The following AGTPBP1 variants were observed in gnomAD, a reference collection of about 807,000 sequenced individuals.
AGTPBP1 encodes the protein cytosolic carboxypeptidase 1.
AGTPBP1 carries 70 observed loss-of-function variants against 143.9 expected under a neutral mutation model. The observed-to-expected ratio is 0.49, with a 90% CI of 0.40 to 0.59. The LOEUF (loss-of-function observed/expected upper bound fraction) is 0.59, where lower values mean the gene tolerates loss of function less well. AGTPBP1 is among the 20% of genes least tolerant of loss of function. The pLI is 0.00. For missense variants in AGTPBP1, 1,229 were observed against 1,464.5 expected, an observed-to-expected ratio of 0.84 and a Z score of 2.62; for synonymous variants, 463 against 500.2, an observed-to-expected ratio of 0.93 and a Z score of 0.99.
Position 85,621,190 on chromosome 9 carries a change from A to G in AGTPBP1, c.2099+12T>C. 5.0e-6 allele frequency: 7 copies of G among 1,408,860 alleles called. No individual in the cohort carries two copies. Among genetic ancestry groups the G allele is most frequent in the Non-Finnish European group, 6.6e-6 (7 of 1,067,410 alleles). 87.3% of individuals were successfully genotyped at this position (1,408,860 alleles called of 1,614,324 possible). ...TTAAAACTAATAAAAGTTCATTAAA[A>G]TCAAGACTTACTTTGGGTTATCCAA... On this transcript the variant is annotated intron_variant, in intron 15 of 25. Coordinates refer to ENST00000357081, the MANE Select transcript of AGTPBP1 (RefSeq NM_001330701.2).
chr9:85,680,904 C>T (rs1479954134), intron 4 of AGTPBP1, among the ~76,000 whole-genome samples: 2 of 152,120 alleles, frequency 1.3e-5, no homozygotes, highest in East Asian at 3.9e-4. Flanking sequence ...CGATAATTTT[C>T]ATTTGTTTTA....
rs1828054578 is a variant in AGTPBP1 at position 85,578,796 on chromosome 9, A to G, written c.3342+124T>C. The G allele has an allele frequency of 9.2e-6, 9 of 977,474 alleles. No individual in the cohort carries two copies. In the South Asian group the frequency reaches 1.5e-4, roughly 17 times the overall value. 60.6% of individuals were successfully genotyped at this position (977,474 alleles called of 1,614,324 possible). The stretch of plus-strand genomic sequence containing the variant: ...TCTTAAGACTGCATATGATTCCATT[A>G]TTACATATTACATGTAACTCAATAA... On this transcript the variant is annotated intron_variant, in intron 24 of 25. Transcript: ENST00000357081.
At chr9:85,618,962 T>C in intron 17 of AGTPBP1, 21 bp downstream of exon 17, 1 of 1,592,076 alleles carries the variant, frequency 6.3e-7, no homozygotes, top group Non-Finnish European at 8.5e-7. Flanking sequence ...CCATTTCAAT[T>C]GGGAAAGAAA....
At chr9:85,566,709 G>A (rs567684385) in intron 25 of AGTPBP1, among the ~76,000 whole-genome samples, 1 of 152,172 alleles carries the variant, frequency 6.6e-6, no homozygotes, top group South Asian at 2.1e-4. Context: ...ACAGAATCAC[G>A]AAGTCAGGTC....
chr9:85,705,862 T>C (rs1206139535), intron 2 of AGTPBP1, among the ~76,000 whole-genome samples: 2 of 152,046 alleles, frequency 1.3e-5, no homozygotes, highest in Admixed American at 6.5e-5. Context: ...AGCTAATTTT[T>C]TGTATTTTTA....
intron 7 of AGTPBP1, among the ~76,000 whole-genome samples, chr9:85,671,137 G>A (rs1216873182): frequency 6.6e-6 from 1 of 151,104 alleles, no homozygotes; most frequent in Non-Finnish European, 1.5e-5. Flanking sequence ...TTGTAGAAAT[G>A]GCATCTCACT....
At chr9:85,758,103 T>A in the AGTPBP1 span, among the ~76,000 whole-genome samples, 33 of 151,684 alleles carry the variant, frequency 2.2e-4, no homozygotes, top group South Asian at 2.1e-4. Context: ...CCCACATATA[T>A]GCTGTTACCA....
intron 3 of AGTPBP1, 57 bp downstream of exon 3, chr9:85,692,632 T>C (rs771998999): frequency 1.4e-4 from 217 of 1,571,324 alleles, no homozygotes; most frequent in Non-Finnish European, 1.8e-4. Context: ...ATTTTTAGCA[T>C]CCACTTTTAA....
intron 2 of AGTPBP1, among the ~76,000 whole-genome samples, chr9:85,695,348 C>T (rs1166183756): frequency 6.6e-6 from 1 of 151,970 alleles, no homozygotes; most frequent in Non-Finnish European, 1.5e-5. Context: ...TGTTTGTTAC[C>T]ACAGAAAATA....
intron 25 of AGTPBP1, among the ~76,000 whole-genome samples, chr9:85,561,325 T>C (rs1826701232): frequency 6.6e-6 from 1 of 151,460 alleles, no homozygotes; most frequent in African/African-American, 2.4e-5. Flanking sequence ...GAGGCAGAGA[T>C]TGCAGTGAGC....
the AGTPBP1 span, among the ~76,000 whole-genome samples, chr9:85,782,162 G>A: frequency 6.6e-6 from 1 of 152,226 alleles, no homozygotes; most frequent in African/African-American, 2.4e-5. Context: ...CAAGATGTAA[G>A]AAGACCAGTG....
chr9:85,621,284 T>A lies in AGTPBP1; in HGVS notation c.2017A>T (p.Thr673Ser). The A allele has an allele frequency of 1.4e-6, 2 of 1,434,158 alleles. No individual in the cohort carries two copies. The highest frequency in any genetic ancestry group is 1.8e-6 in the Non-Finnish European group (2 of 1,094,250). The allele number at this position is 1,434,158 out of a possible 1,614,324, so 88.8% of individuals were successfully genotyped here. A position where few individuals can be genotyped will look rare whatever the true frequency, so the allele number is the denominator to read the frequency against. ...ILERPYGVQR[T>S]KIAQDIERLI... ...CTTTCAATATCTTGAGCAATTTTTG[T>A]CCTGAAATCATAAAGGTTTAACCAA... is the stretch of plus-strand genomic sequence containing the variant. Residue 673 changes from threonine (T) to serine (S), a missense_variant and splice_region_variant, in exon 15 of 26, where the codon ACA (threonine) becomes TCA (serine). Physicochemically the swap from Thr to Ser is moderately conservative, Grantham distance 58 (BLOSUM62 1). Around this residue, in one of 2 missense-constraint regions of AGTPBP1, gnomAD observed 743 missense variants for 812.2 expected, o/e 0.91. Transcript: ENST00000357081.
the AGTPBP1 span, chr9:85,770,256 T>G: frequency 1.4e-6 from 2 of 1,414,298 alleles, no homozygotes; most frequent in South Asian, 2.3e-5. Flanking sequence ...CTATTTCATT[T>G]AAAATGAGTG....
At chr9:85,677,732 G>C in intron 5 of AGTPBP1, 150 bp from the exon 6 acceptor site, 1 of 675,612 alleles carries the variant, frequency 1.5e-6, no homozygotes, top group Non-Finnish European at 2.3e-6. Flanking sequence ...GCTGGGCGCA[G>C]TAGCTCACGC....
At chr9:85,795,774 G>T in the AGTPBP1 span, among the ~76,000 whole-genome samples, 14 of 151,428 alleles carry the variant, frequency 9.2e-5, no homozygotes, top group South Asian at 6.2e-4. Flanking sequence ...CATCCATGTT[G>T]CTGCAAAGGA....
chr9:85,674,508 T>A (rs1180038888), intron 6 of AGTPBP1, among the ~76,000 whole-genome samples: 1 of 152,100 alleles, frequency 6.6e-6, no homozygotes, highest in Non-Finnish European at 1.5e-5. Flanking sequence ...GGGGTTTTTT[T>A]TAAATGAATT....
intron 2 of AGTPBP1, among the ~76,000 whole-genome samples, chr9:85,704,807 A>C (rs985909325): frequency 4.7e-4 from 72 of 152,090 alleles, no homozygotes; most frequent in African/African-American, 1.4e-3. Context: ...ATTAATAAAC[A>C]AGGATATTAA....
At position 85,741,880 on chromosome 9, in the gene AGTPBP1, C is replaced by A; in HGVS notation, c.-139G>T. 7.2e-7 allele frequency: 1 copy of A among 1,387,860 alleles called. No individual in the cohort carries two copies. The highest frequency in any genetic ancestry group is 9.3e-7 in the Non-Finnish European group (1 of 1,072,060). The allele number at this position is 1,387,860 out of a possible 1,614,324, so 86.0% of individuals were successfully genotyped here. A position where few individuals can be genotyped will look rare whatever the true frequency, so the allele number is the denominator to read the frequency against. ...CCGCCCGCCGCCCGGTGTTTTCATA[C>A]AAACCCCGGTGGCAGGCGAGGCGGA... On this transcript the variant is annotated 5_prime_UTR_variant, in exon 1 of 26. Transcript: ENST00000357081.
intron 2 of AGTPBP1, among the ~76,000 whole-genome samples, chr9:85,704,756 G>T (rs1836875502): frequency 6.6e-6 from 1 of 151,826 alleles, no homozygotes; most frequent in South Asian, 2.1e-4. Flanking sequence ...ATCTATAATG[G>T]GAACAATCAA....
Sources: allele counts gnomAD v4.1 joint callset (sites outside exome capture counted in the v4.1 genomes callset), GRCh38; gene constraint gnomAD v4.1.1; regional missense constraint gnomAD v4.1.1; transcripts MANE v1.5; gene names NCBI Gene and HGNC (gene_info 2026-07-23, HGNC 2026-07-21).